MYO18A: variants seen among roughly 807,000 people sequenced by gnomAD.
MYO18A encodes the protein unconventional myosin-XVIIIa.
In MYO18A, 78 loss-of-function variants were observed where a neutral mutation model predicts 235.8. That is an observed-to-expected ratio of 0.33 (90% confidence interval 0.28 to 0.40). The LOEUF is 0.40. MYO18A is among the 10% of genes least tolerant of loss of function. The pLI is 1.00. For synonymous variants in MYO18A, 977 were observed against 1,077.8 expected (o/e 0.91, Z 1.83); for missense variants, 2,215 against 2,699.3 (o/e 0.82, Z 3.98).
chr17:29,082,222 G>C, intron 41 of MYO18A, 94 bp downstream of exon 41: 1 of 1,524,596 alleles, frequency 6.6e-7, no homozygotes, highest in Non-Finnish European at 9.0e-7. Flanking sequence ...CCAGACAAGA[G>C]ACACAGGCCT....
At chr17:29,114,298 C>T (rs2152834293) in intron 14 of MYO18A, 1 of 561,210 alleles carries the variant, frequency 1.8e-6, no homozygotes, top group East Asian at 3.1e-5. Context: ...CTCAGAACCT[C>T]TTTTTATCCG....
intron 2 of MYO18A, among the ~76,000 whole-genome samples, chr17:29,147,196 T>A (rs1387238013): frequency 6.6e-6 from 1 of 152,302 alleles, no homozygotes; most frequent in Non-Finnish European, 1.5e-5. Flanking sequence ...TGGAGAGTGA[T>A]GGGGCATGAT....
chr17:29,123,965 G>A (rs1039725286), intron 2 of MYO18A, among the ~76,000 whole-genome samples: 10 of 151,838 alleles, frequency 6.6e-5, no homozygotes, highest in East Asian at 1.9e-4. Flanking sequence ...GGAGAATGGC[G>A]TGAACCCAGG....
chr17:29,136,119 C>T (rs1008848596), intron 2 of MYO18A, among the ~76,000 whole-genome samples: 1 of 151,448 alleles, frequency 6.6e-6, no homozygotes, highest in African/African-American at 2.4e-5. Context: ...GTCCCAGGTA[C>T]TGGGGAGGCT....
At position 29,121,483 on chromosome 17, in the gene MYO18A, G is replaced by T; in HGVS notation, c.1371+64C>A. 6.7e-7 allele frequency: 1 copy of T among 1,484,050 alleles called. No individual in the cohort carries two copies. Among genetic ancestry groups the T allele is most frequent in the Non-Finnish European group, 9.0e-7 (1 of 1,106,850 alleles). 91.9% of individuals were successfully genotyped at this position (1,484,050 alleles called of 1,614,324 possible). ...AGCCCAGTGGGGTGCCACAGGGGAA[G>T]GGCAGAGAGCCAGGGCAGGGGGTGG... On this transcript the variant is annotated intron_variant, in intron 5 of 41. Coordinates refer to ENST00000527372, the MANE Select transcript of MYO18A (RefSeq NM_078471.4). This position sits in a 1 kb window ranked among gnomAD's most constrained non-coding sequence, Gnocchi z 4.2.
At chr17:29,168,529 A>G (rs2068331353) in intron 1 of MYO18A, among the ~76,000 whole-genome samples, 1 of 151,854 alleles carries the variant, frequency 6.6e-6, no homozygotes, top group East Asian at 1.9e-4. Flanking sequence ...CTACAAGCTT[A>G]TCCCTTCTAG....
chr17:29,174,519 A>T lies in MYO18A; in HGVS notation c.-82+5794T>A, dbSNP rs144469508. 3.4e-3 allele frequency among the ~76,000 whole-genome samples: 509 copies of T among 151,604 alleles called. 2 individuals are homozygous for T. The highest frequency in any genetic ancestry group is 0.01 in the South Asian group (49 of 4,772). On this transcript the variant is annotated intron_variant, in intron 1 of 41. Transcript: ENST00000527372. ...TTATGTCTCAAAAAATAAAAAAAATAAAAAAAAATAAAATGCTGGGCATGG... is the reference window on the plus strand; with the variant it reads ...TTATGTCTCAAAAAATAAAAAAAATTAAAAAAAATAAAATGCTGGGCATGG...
intron 2 of MYO18A, chr17:29,155,221 AG>A (rs541516313): frequency 2.0e-5 from 3 of 152,462 alleles, no homozygotes; most frequent in East Asian, 1.9e-4. Context: ...AACCAGGCTC[AG>A]GGGCTGACAG....
Position 29,118,519 on chromosome 17 carries a change from G to A in MYO18A, c.1830-79C>T. 1 of 1,332,540 alleles carries A rather than the reference G, an allele frequency of 7.5e-7. No individual in the cohort carries two copies. The highest frequency in any genetic ancestry group is 1.1e-6 in the Non-Finnish European group (1 of 952,318). 82.5% of individuals were successfully genotyped at this position (1,332,540 alleles called of 1,614,324 possible). A position where few individuals can be genotyped will look rare whatever the true frequency, so the allele number is the denominator to read the frequency against. On this transcript the variant is annotated intron_variant, in intron 8 of 41. Coordinates refer to ENST00000527372, the MANE Select transcript of MYO18A (RefSeq NM_078471.4). The surrounding 1 kb of genome is among the most constrained non-coding windows in gnomAD (Gnocchi z 4.2). ...TTTCCGCCCAGGGTGGAGACAGACA[G>A]ACTCAGCTTCCAGACTCCAAGTTTT...
At chr17:29,095,206 G>A (rs950414328) in intron 28 of MYO18A, 147 bp from the exon 29 acceptor site, 6 of 1,267,698 alleles carry the variant, frequency 4.7e-6, no homozygotes, top group South Asian at 1.6e-5. Context: ...GTAAGGTAGC[G>A]GTGACATTTA....
At chr17:29,149,675 C>T (rs1374656878) in intron 2 of MYO18A, among the ~76,000 whole-genome samples, 1 of 152,234 alleles carries the variant, frequency 6.6e-6, no homozygotes, top group African/African-American at 2.4e-5. Context: ...CTGACTGGCC[C>T]GACAGCAGGC....
rs531607568 is a variant in MYO18A at position 29,098,752 on chromosome 17, C to G, written c.3780+74G>C. ...CAGCTCTCTGGACTAAACGAAGAAG[C>G]GCCTGGAAGCCCAAGATAAACCAGC... is the stretch of plus-strand genomic sequence containing the variant. On this transcript the variant is annotated intron_variant, in intron 23 of 41. Transcript: ENST00000527372. 5 of 1,563,458 alleles carry G rather than the reference C, an allele frequency of 3.2e-6. No individual in the cohort carries two copies. In the Admixed American group the frequency reaches 9.3e-5, roughly 29 times the overall value.
In MYO18A at chr17:29,180,138, C is replaced by T. The variant is rs1401774306; in HGVS notation, c.-82+175G>A. On this transcript the variant is annotated intron_variant, in intron 1 of 41. Coordinates refer to ENST00000527372, the MANE Select transcript of MYO18A (RefSeq NM_078471.4). The surrounding 1 kb of genome is among the most constrained non-coding windows in gnomAD (Gnocchi z 6.1). ...CCCCCGGGCGTCGAGCTCCACGGCG[C>T]CGCCAGGGACGGGAGCCGGGAGTCC... Among the ~76,000 whole-genome samples the T allele has an allele frequency of 1.3e-5, 2 of 152,004 alleles. No homozygotes were observed. The highest frequency in any genetic ancestry group is 2.9e-5 in the Non-Finnish European group (2 of 67,924).
In MYO18A at chr17:29,127,294, C is replaced by T. The variant is rs528759431; in HGVS notation, c.1000-5041G>A. Among the ~76,000 whole-genome samples the T allele has an allele frequency of 6.6e-5, 10 of 152,262 alleles. No homozygotes were observed. In the East Asian group the frequency reaches 7.7e-4, roughly 12 times the overall value. On this transcript the variant is annotated intron_variant, in intron 2 of 41. Coordinates refer to ENST00000527372, the MANE Select transcript of MYO18A (RefSeq NM_078471.4). The stretch of plus-strand genomic sequence containing the variant: ...TTTGGAAATATTAATGTTTGTTACA[C>T]GTTGTTGCTCATTATGTATACTGTA...
In MYO18A at chr17:29,094,799, C is replaced by T. The variant is rs776635049; in HGVS notation, c.4561G>A (p.Ala1521Thr). The T allele has an allele frequency of 5.6e-6, 9 of 1,614,068 alleles. No individual in the cohort carries two copies. The East Asian group carries it at 2.0e-4, about 36-fold the overall frequency. ...GFTQKVVSLE[A>T]ELQDISSQES... is the part of the protein sequence containing the mutation. ...TGGGAAGAAATGTCCTGGAGCTCTG[C>T]CTCTAGAGACACAACCTTCTGGGTG... The change falls in exon 30 of 42, where the codon GCA (alanine) becomes ACA (threonine). Residue 1521 changes from alanine to threonine, a missense_variant. Physicochemically the swap from Ala to Thr is moderately conservative, Grantham distance 58. Transcript: ENST00000527372.
chr17:29,074,126 C>T lies in MYO18A; in HGVS notation c.*644G>A, dbSNP rs754012992. 2.5e-5 allele frequency: 41 copies of T among 1,613,984 alleles called. No homozygotes were observed. Among genetic ancestry groups the T allele is most frequent in the African/African-American group, 1.3e-4 (10 of 74,998 alleles). On this transcript the variant is annotated 3_prime_UTR_variant, in exon 42 of 42. Coordinates refer to ENST00000527372, the MANE Select transcript of MYO18A (RefSeq NM_078471.4). This position sits in a 1 kb window ranked among gnomAD's most constrained non-coding sequence, Gnocchi z 4.4. ...CACCTCATTCTTAAGAACCTGGACC[C>T]GGCTCTCCTCACCAGCGTCTCCAGC...
chr17:29,097,112 C>A, intron 27 of MYO18A, 111 bp downstream of exon 27: 1 of 1,490,196 alleles, frequency 6.7e-7, no homozygotes, highest in East Asian at 2.4e-5. Flanking sequence ...CCAGCCTCCC[C>A]GATCCATTCC....
intron 20 of MYO18A, 99 bp from the exon 21 acceptor site, chr17:29,103,763 C>T (rs2066713767): frequency 8.5e-7 from 1 of 1,179,026 alleles, no homozygotes; most frequent in East Asian, 2.4e-5. Context: ...TCCTCCTAGA[C>T]AGTCTGTTAT....
At chr17:29,137,627 A>C (rs1040646449) in intron 2 of MYO18A, among the ~76,000 whole-genome samples, 6 of 152,228 alleles carry the variant, frequency 3.9e-5, no homozygotes, top group Non-Finnish European at 8.8e-5. Flanking sequence ...TTATAGATGC[A>C]CTCTATATAA....
Sources: gnomAD v4.1 joint callset for allele counts (sites outside exome capture counted in the v4.1 genomes callset) on GRCh38, gnomAD v4.1.1 for gene constraint, Gnocchi (gnomAD v3.1) non-coding constraint, MANE v1.5 for transcripts, NCBI Gene and HGNC (gene_info 2026-07-23, HGNC 2026-07-21) for gene names.